CNTN5: variants seen among roughly 807,000 people sequenced by gnomAD.
The protein encoded by CNTN5 is contactin-5.
A neutral mutation model predicts 129.1 loss-of-function variants in CNTN5; 77 were observed. The ratio of observed to expected loss-of-function variants is 0.60; its 90% CI spans 0.50 to 0.72. CNTN5 has a LOEUF of 0.72. Among genes scored for constraint, CNTN5 ranks in the 30% least tolerant of loss-of-function variants. CNTN5 has a pLI of 0.00. For synonymous variants in CNTN5, 509 were observed against 465.6 expected (o/e 1.09, Z -1.20); for missense variants, 1,478 against 1,328.8 (o/e 1.11, Z -1.75).
rs552006625 is a variant in CNTN5 at position 100,221,298 on chromosome 11, G to A, written c.1885-3394G>A. 5.3e-5 allele frequency among the ~76,000 whole-genome samples: 8 copies of A among 152,312 alleles called. No individual in the cohort carries two copies. The South Asian group carries it at 1.7e-3, about 32-fold the overall frequency. On this transcript the variant is annotated intron_variant, in intron 15 of 24. Transcript: ENST00000524871. Reference sequence around the variant, plus strand: ...GAATGACAGGATTAAGTTGCAGGAGGTAGAATCATGCTCTAAAGAGCTACG... The same window carrying A: ...GAATGACAGGATTAAGTTGCAGGAGATAGAATCATGCTCTAAAGAGCTACG...
rs567554678 is a variant in CNTN5, at chr11:99,214,699, C to T, written c.-209-110647C>T. On this transcript the variant is annotated intron_variant, in intron 1 of 24. Transcript: ENST00000524871. ...GGTGAAAACTTTTTTCCTATCCACA[C>T]TGTAGAATGTTTTACACATTACTCT... Among the ~76,000 whole-genome samples the T allele has an allele frequency of 1.5e-3, 232 of 152,152 alleles. 1 individual carries two copies. Among genetic ancestry groups the T allele is most frequent in the Non-Finnish European group, 2.6e-3 (174 of 67,974 alleles).
intron 1 of CNTN5, among the ~76,000 whole-genome samples, chr11:99,229,572 A>C (rs1860881692): frequency 6.6e-6 from 1 of 151,514 alleles, no homozygotes; most frequent in Non-Finnish European, 1.5e-5. Flanking sequence ...TAAAAGGGAA[A>C]GAAAGAGTAA....
intron 9 of CNTN5, among the ~76,000 whole-genome samples, chr11:100,004,644 G>A (rs1940080251): frequency 6.6e-6 from 1 of 152,158 alleles, no homozygotes; most frequent in Non-Finnish European, 1.5e-5. Flanking sequence ...TCTGTGAGCA[G>A]GCTAAGAAGA....
At chr11:100,277,667 T>C (rs1042512595) in intron 18 of CNTN5, among the ~76,000 whole-genome samples, 1 of 151,800 alleles carries the variant, frequency 6.6e-6, no homozygotes, top group Non-Finnish European at 1.5e-5. Context: ...AATTGGGTTT[T>C]TTTTATTTTT....
At chr11:99,131,192 G>A (rs1858914999) in intron 1 of CNTN5, among the ~76,000 whole-genome samples, 1 of 130,284 alleles carries the variant, frequency 7.7e-6, no homozygotes, top group Admixed American at 8.9e-5. Context: ...AGCTTGCAGT[G>A]AGCTGAGATT....
At chr11:99,484,951 G>A (rs1199478471) in intron 2 of CNTN5, among the ~76,000 whole-genome samples, 1 of 152,080 alleles carries the variant, frequency 6.6e-6, no homozygotes. Context: ...ATTTGTTAAA[G>A]GATACACAAG....
chr11:99,880,218 C>A (rs1287589932), intron 6 of CNTN5, among the ~76,000 whole-genome samples: 1 of 152,098 alleles, frequency 6.6e-6, no homozygotes, highest in Non-Finnish European at 1.5e-5. Flanking sequence ...TATAAATGGA[C>A]AATAAATAGC....
chr11:100,039,821 A>G (rs1232059269), intron 9 of CNTN5, among the ~76,000 whole-genome samples: 1 of 152,144 alleles, frequency 6.6e-6, no homozygotes, highest in African/African-American at 2.4e-5. Context: ...CAGCTCCATC[A>G]GGTCCTTTAA....
At chr11:99,724,173 C>T (rs769566478) in intron 3 of CNTN5, among the ~76,000 whole-genome samples, 3 of 152,132 alleles carry the variant, frequency 2.0e-5, no homozygotes, top group South Asian at 2.1e-4. Flanking sequence ...GAGCATGTTC[C>T]GTCTTATGCC....
intron 15 of CNTN5, among the ~76,000 whole-genome samples, chr11:100,204,344 A>ATAT (rs1948869660): frequency 9.6e-6 from 1 of 103,818 alleles, no homozygotes; most frequent in Non-Finnish European, 2.0e-5. Context: ...ATATATATAT[A>ATAT]ATTATAGGCA....
chr11:99,470,777 A>T (rs1169009023), intron 2 of CNTN5, among the ~76,000 whole-genome samples: 1 of 150,398 alleles, frequency 6.6e-6, no homozygotes, highest in African/African-American at 2.4e-5. Flanking sequence ...TAAATTTTTA[A>T]TTTACAATTA....
chr11:99,477,214 GATT>G (rs1477930388), intron 2 of CNTN5, among the ~76,000 whole-genome samples: 1 of 151,836 alleles, frequency 6.6e-6, no homozygotes, highest in Non-Finnish European at 1.5e-5. Flanking sequence ...TTTAGGAAAA[GATT>G]ATTAATATTA....
At chr11:100,080,800 T>A (rs1944335445) in intron 13 of CNTN5, among the ~76,000 whole-genome samples, 1 of 152,152 alleles carries the variant, frequency 6.6e-6, no homozygotes, top group African/African-American at 2.4e-5. Context: ...GAAAGAAAAT[T>A]AGCATTCATA....
intron 3 of CNTN5, among the ~76,000 whole-genome samples, chr11:99,660,821 GT>G (rs1952567675): frequency 6.6e-6 from 1 of 151,780 alleles, no homozygotes; most frequent in African/African-American, 2.4e-5. Context: ...GTTAATAGTT[GT>G]TTTTTTCTTC....
chr11:99,852,228 G>A (rs1207703832), intron 6 of CNTN5, among the ~76,000 whole-genome samples: 1 of 151,896 alleles, frequency 6.6e-6, no homozygotes, highest in African/African-American at 2.4e-5. Flanking sequence ...TAATTACTTT[G>A]GTCATAATAG....
intron 3 of CNTN5, among the ~76,000 whole-genome samples, chr11:99,785,166 G>A (rs1945472956): frequency 1.3e-5 from 2 of 152,048 alleles, no homozygotes; most frequent in African/African-American, 4.8e-5. Flanking sequence ...GTGATGATTA[G>A]CTTTGTTTCA....
At chr11:99,627,227 C>T (rs1951164084) in intron 3 of CNTN5, among the ~76,000 whole-genome samples, 1 of 152,110 alleles carries the variant, frequency 6.6e-6, no homozygotes. Context: ...AGCTATATCC[C>T]TCGCCTTACT....
At chr11:99,576,682 G>A (rs1173986611) in intron 3 of CNTN5, among the ~76,000 whole-genome samples, 1 of 152,196 alleles carries the variant, frequency 6.6e-6, no homozygotes, top group Non-Finnish European at 1.5e-5. Context: ...ATTTCTGGAA[G>A]GTGGGAAGTC....
chr11:100,237,006 A>G lies in CNTN5; in HGVS notation c.2005+12194A>G, dbSNP rs930580274. Among the ~76,000 whole-genome samples the G allele has an allele frequency of 4.6e-5, 7 of 151,984 alleles. No individual in the cohort carries two copies. In the South Asian group the frequency reaches 6.2e-4, roughly 14 times the overall value. On this transcript the variant is annotated intron_variant, in intron 16 of 24. Transcript: ENST00000524871. The stretch of plus-strand genomic sequence containing the variant: ...AGATGGAGACAATCCTGGCTAACAC[A>G]GTGAAACCCCGTCTCTACTAAAAAT...
Sources: gnomAD v4.1 joint callset for allele counts (sites outside exome capture counted in the v4.1 genomes callset) on GRCh38, gnomAD v4.1.1 for gene constraint, MANE v1.5 for transcripts, NCBI Gene and HGNC (gene_info 2026-07-23, HGNC 2026-07-21) for gene names.